TADA2A: variants seen among roughly 807,000 people sequenced by gnomAD.
TADA2A encodes the protein transcriptional adaptor 2A, also known as transcriptional adapter 2-alpha.
TADA2A carries 38 observed loss-of-function variants against 67.4 expected under a neutral mutation model. The observed-to-expected ratio is 0.56, with a 90% CI of 0.44 to 0.74. The LOEUF (loss-of-function observed/expected upper bound fraction) is 0.74, where lower values mean the gene tolerates loss of function less well. Ranked by LOEUF, TADA2A falls within the 30% of genes least tolerant of loss-of-function variation. The pLI is 0.00. For synonymous variants in TADA2A, 192 were observed against 181.6 expected, an observed-to-expected ratio of 1.06 and a Z score of -0.46; for missense variants, 454 against 547.0, an observed-to-expected ratio of 0.83 and a Z score of 1.70.
intron 1 of TADA2A, 84 bp downstream of exon 1, chr17:37,407,033 G>A (rs886172492): frequency 2.7e-5 from 4 of 147,024 alleles, no homozygotes; most frequent in African/African-American, 9.9e-5. Flanking sequence ...AGAAGCGGGG[G>A]CCACGAGGTG....
At chr17:37,443,869 T>G (rs933775306) in intron 7 of TADA2A, among the ~76,000 whole-genome samples, 1 of 152,220 alleles carries the variant, frequency 6.6e-6, no homozygotes, top group Non-Finnish European at 1.5e-5. Context: ...TATATGTTCC[T>G]TGCTCAGCTA....
At chr17:37,470,250 A>T (rs1168760630) in intron 12 of TADA2A, 150 bp from the exon 13 acceptor site, 2 of 777,468 alleles carry the variant, frequency 2.6e-6, no homozygotes, top group Non-Finnish European at 3.9e-6. Context: ...GGGAAAATCT[A>T]CTTGGGTCTT....
intron 7 of TADA2A, among the ~76,000 whole-genome samples, 165 bp from the exon 8 acceptor site, chr17:37,444,531 A>G (rs1031456619): frequency 5.3e-5 from 8 of 152,056 alleles, no homozygotes; most frequent in Non-Finnish European, 1.0e-4. Context: ...TTTTCCCATG[A>G]CTTCCTATTA....
intron 9 of TADA2A, among the ~76,000 whole-genome samples, chr17:37,460,930 G>A (rs1483342021): frequency 6.6e-6 from 1 of 151,714 alleles, no homozygotes; most frequent in African/African-American, 2.4e-5. Flanking sequence ...AGGAGTTCAA[G>A]GCCAGTCTGG....
At chr17:37,461,487 T>C (rs971840765) in intron 9 of TADA2A, among the ~76,000 whole-genome samples, 1 of 152,242 alleles carries the variant, frequency 6.6e-6, no homozygotes, top group African/African-American at 2.4e-5. Context: ...ACACATAACT[T>C]TGCCTGGTTT....
chr17:37,441,930 T>A (rs1432743510), intron 6 of TADA2A, among the ~76,000 whole-genome samples: 2 of 152,120 alleles, frequency 1.3e-5, no homozygotes, highest in African/African-American at 4.8e-5. Context: ...CCTCCCAAAG[T>A]GTTGGGATTA....
chr17:37,472,100 C>G (rs945679199), intron 14 of TADA2A, among the ~76,000 whole-genome samples: 4 of 151,680 alleles, frequency 2.6e-5, no homozygotes, highest in African/African-American at 4.8e-5. Context: ...GAGTCTCGCT[C>G]TGTCACCCAG....
At chr17:37,456,794 GA>G (rs1260280692) in intron 8 of TADA2A, among the ~76,000 whole-genome samples, 3 of 152,290 alleles carry the variant, frequency 2.0e-5, no homozygotes, top group East Asian at 3.9e-4. Context: ...GGACTAAGGT[GA>G]GGGGTAAAAA....
intron 1 of TADA2A, among the ~76,000 whole-genome samples, chr17:37,409,905 C>A (rs1185512142): frequency 6.6e-6 from 1 of 151,988 alleles, no homozygotes; most frequent in Non-Finnish European, 1.5e-5. Context: ...CACTTGTAAT[C>A]CCAGCACTCC....
chr17:37,426,098 C>T (rs1179411334), intron 3 of TADA2A, among the ~76,000 whole-genome samples: 1 of 151,934 alleles, frequency 6.6e-6, no homozygotes, highest in African/African-American at 2.4e-5. Flanking sequence ...CTCAGCCTGC[C>T]CTGAGTAACT....
chr17:37,459,767 AC>A (rs961903584), intron 9 of TADA2A, among the ~76,000 whole-genome samples: 1 of 150,434 alleles, frequency 6.6e-6, no homozygotes, highest in Admixed American at 6.6e-5. Context: ...TAATTTTAAA[AC>A]CTTTTTCTTT....
intron 9 of TADA2A, among the ~76,000 whole-genome samples, chr17:37,459,235 A>G (rs911329646): frequency 7.0e-6 from 1 of 142,050 alleles, no homozygotes; most frequent in African/African-American, 2.7e-5. Context: ...GCATCAAGAC[A>G]GTATTGTTAC....
rs889360998 is a variant in TADA2A at position 37,478,041 on chromosome 17, A to G, written c.*1059A>G. On this transcript the variant is annotated 3_prime_UTR_variant, in exon 16 of 16. Coordinates refer to ENST00000615182, the MANE Select transcript of TADA2A (RefSeq NM_001166105.3). ...GCTGAGGCAGGAGAATTGCTTGAAC[A>G]CAGGAGGCAGAGGTTGCAGCGAGCT... is the stretch of plus-strand genomic sequence containing the variant. The G allele has an allele frequency of 6.6e-6, 1 of 151,514 alleles. No homozygotes were observed. The highest frequency in any genetic ancestry group is 2.4e-5 in the African/African-American group (1 of 41,240). The allele number at this position is 151,514 out of a possible 1,614,324, so 9.4% of individuals were successfully genotyped here.
chr17:37,447,136 A>T (rs994604385), intron 8 of TADA2A, among the ~76,000 whole-genome samples: 3 of 152,108 alleles, frequency 2.0e-5, no homozygotes, highest in Non-Finnish European at 2.9e-5. Context: ...CCCATAGTAA[A>T]CTGTAAGATG....
chr17:37,478,374 T>G lies in TADA2A; in HGVS notation c.*1392T>G, dbSNP rs2053930902. On this transcript the variant is annotated 3_prime_UTR_variant, in exon 16 of 16. Coordinates refer to ENST00000615182, the MANE Select transcript of TADA2A (RefSeq NM_001166105.3). Reference sequence around the variant, plus strand: ...TGTCACATGTGTCCTGAACTCACCCTGTTTTTGCCCTGGGTTTCCCAGGAT... The same window carrying G: ...TGTCACATGTGTCCTGAACTCACCCGGTTTTTGCCCTGGGTTTCCCAGGAT... 1 of 152,240 alleles carries G rather than the reference T, an allele frequency of 6.6e-6. No homozygotes were observed. The allele number at this position is 152,240 out of a possible 1,614,324, so 9.4% of individuals were successfully genotyped here.
rs747038993 is a variant in TADA2A at position 37,477,019 on chromosome 17, G to C, written c.*37G>C. The C allele has an allele frequency of 8.2e-6, 13 of 1,576,306 alleles. No individual in the cohort carries two copies. Among genetic ancestry groups the C allele is most frequent in the Non-Finnish European group, 2.6e-6 (3 of 1,156,808 alleles). On this transcript the variant is annotated 3_prime_UTR_variant, in exon 16 of 16. Coordinates refer to ENST00000615182, the MANE Select transcript of TADA2A (RefSeq NM_001166105.3). ...CTTGGGATCAGAAGTCAGAAGTTTG[G>C]AATGTGGTGGGTCAAAGGACAATAT...
rs1268895990 is a variant in TADA2A at position 37,418,968 on chromosome 17, C to T, written c.26-4541C>T. Among the ~76,000 whole-genome samples, 2 of 145,300 alleles carry T rather than the reference C, an allele frequency of 1.4e-5. 1 individual carries two copies. The highest frequency in any genetic ancestry group is 3.1e-5 in the Non-Finnish European group (2 of 65,298). ...GTGGTCTTGACTTCCTAAGCTGAAGCGATCATCCTGCCTTTTCCTCCCAAA... is the reference window on the plus strand; with the variant it reads ...GTGGTCTTGACTTCCTAAGCTGAAGTGATCATCCTGCCTTTTCCTCCCAAA... On this transcript the variant is annotated intron_variant, in intron 2 of 15. Coordinates refer to ENST00000615182, the MANE Select transcript of TADA2A (RefSeq NM_001166105.3).
chr17:37,441,418 C>T (rs973369246), intron 6 of TADA2A, among the ~76,000 whole-genome samples: 2 of 152,076 alleles, frequency 1.3e-5, no homozygotes, highest in Non-Finnish European at 2.9e-5. Flanking sequence ...GCCCAAGAAT[C>T]AGTTTGTTAT....
In TADA2A at chr17:37,444,083, C is replaced by CA. The variant is rs1329659708; in HGVS notation, c.532-611dup. Among the ~76,000 whole-genome samples, 62 of 150,762 alleles carry CA rather than the reference C, an allele frequency of 4.1e-4. 1 individual carries two copies. The highest frequency in any genetic ancestry group is 7.5e-4 in the Non-Finnish European group (51 of 67,682). ...CAAAACGCTGTTTCTTCAACAACAA[C>CA]AACAAAAAAAACCCGAAACCAAAAA... On this transcript the variant is annotated intron_variant, in intron 7 of 15. Transcript: ENST00000615182.
Sources: allele counts gnomAD v4.1 joint callset (sites outside exome capture counted in the v4.1 genomes callset), GRCh38; gene constraint gnomAD v4.1.1; transcripts MANE v1.5; gene names NCBI Gene and HGNC (gene_info 2026-07-23, HGNC 2026-07-21).